Variants in DPH6 observed in about 807,000 individuals in gnomAD.
DPH6 encodes the protein diphthamine biosynthesis 6, also known as diphthine--ammonia ligase.
A neutral mutation model predicts 38.2 loss-of-function variants in DPH6; 33 were observed. That is an observed-to-expected ratio of 0.86 (90% confidence interval 0.65 to 1.15). The LOEUF (loss-of-function observed/expected upper bound fraction) is 1.15, where lower values mean the gene tolerates loss of function less well. Among genes scored for constraint, DPH6 ranks in the 50% most tolerant of loss-of-function variants. DPH6 has a pLI of 0.00. For missense variants in DPH6, 325 were observed against 320.0 expected, an observed-to-expected ratio of 1.02 and a Z score of -0.12; for synonymous variants, 108 against 103.0, an observed-to-expected ratio of 1.05 and a Z score of -0.30.
chr15:35,456,444 C>G (rs2053997657), intron 3 of DPH6, among the ~76,000 whole-genome samples: 1 of 139,286 alleles, frequency 7.2e-6, no homozygotes, highest in Admixed American at 8.0e-5. Context: ...TCTTCCTTAA[C>G]TAAGTCAAAT....
chr15:35,542,547 T>C, intron 1 of DPH6, 40 bp from the exon 2 acceptor site: 1 of 1,491,840 alleles, frequency 6.7e-7, no homozygotes, highest in Non-Finnish European at 9.2e-7. Flanking sequence ...ATCATGCTAC[T>C]GACCATTATT....
intron 3 of DPH6, among the ~76,000 whole-genome samples, chr15:35,528,725 C>G (rs1049110547): frequency 6.6e-6 from 1 of 152,192 alleles, no homozygotes; most frequent in East Asian, 1.9e-4. Context: ...CTAGCATACG[C>G]ATATGTGCCT....
At chr15:35,326,699 G>A (rs1429762159), downstream of DPH6, among the ~76,000 whole-genome samples, 2 of 152,118 alleles carry the variant, frequency 1.3e-5, no homozygotes, top group African/African-American at 4.8e-5. Flanking sequence ...GCTGCCCAAA[G>A]TTCTGTGATT....
chr15:35,388,726 C>T (rs959840210), intron 6 of DPH6, among the ~76,000 whole-genome samples: 3 of 152,040 alleles, frequency 2.0e-5, no homozygotes, highest in African/African-American at 7.2e-5. Context: ...TTTGATTCTT[C>T]TCTCTTTTCT....
intron 3 of DPH6, among the ~76,000 whole-genome samples, chr15:35,536,228 A>T (rs144975262): frequency 1.3e-5 from 2 of 152,146 alleles, no homozygotes; most frequent in East Asian, 3.9e-4. Flanking sequence ...CCAGTGTTTC[A>T]TAAATGAATT....
chr15:35,465,301 C>G lies in DPH6; in HGVS notation c.313-10481G>C, dbSNP rs149496094. Among the ~76,000 whole-genome samples, 16 of 152,306 alleles carry G rather than the reference C, an allele frequency of 1.1e-4. 1 individual carries two copies. Among genetic ancestry groups the G allele is most frequent in the African/African-American group, 2.9e-4 (12 of 41,576 alleles). On this transcript the variant is annotated intron_variant, in intron 3 of 8. Coordinates refer to ENST00000256538, the MANE Select transcript of DPH6 (RefSeq NM_080650.4). The stretch of plus-strand genomic sequence containing the variant: ...GTTTTTCATCTGAAAGGCATTCTAA[C>G]ATTTTTAATACGAACCATTCATTAA...
chr15:35,386,286 T>C (rs980482070), intron 6 of DPH6, among the ~76,000 whole-genome samples: 1 of 152,240 alleles, frequency 6.6e-6, no homozygotes, highest in Non-Finnish European at 1.5e-5. Context: ...TTTGCTATTG[T>C]GAATAGTGCT....
At chr15:35,357,048 G>A (rs568215118) in intron 3 of DPH6, among the ~76,000 whole-genome samples, 2 of 152,314 alleles carry the variant, frequency 1.3e-5, no homozygotes, top group South Asian at 4.1e-4. Context: ...TGCTAGCAAT[G>A]AGCGAGGCTC....
intron 3 of DPH6, among the ~76,000 whole-genome samples, chr15:35,463,791 T>C (rs953481394): frequency 1.3e-5 from 2 of 152,282 alleles, no homozygotes; most frequent in Non-Finnish European, 2.9e-5. Flanking sequence ...CCTATGGATA[T>C]ATATATATAC....
intron 3 of DPH6, among the ~76,000 whole-genome samples, chr15:35,341,816 T>C (rs138835285): frequency 1.3e-5 from 2 of 152,278 alleles, no homozygotes; most frequent in East Asian, 3.9e-4. Context: ...GAGATCCCTT[T>C]TGGGAGGTCT....
intron 6 of DPH6, chr15:35,396,406 T>C (rs150925789): frequency 4.8e-4 from 73 of 152,296 alleles, no homozygotes; most frequent in African/African-American, 1.5e-3. Context: ...GCAGGCCCAT[T>C]TGCCCTTCAA....
At chr15:35,285,506 C>A (rs2051934987) in intron 3 of DPH6, among the ~76,000 whole-genome samples, 1 of 152,164 alleles carries the variant, frequency 6.6e-6, no homozygotes. Context: ...CTCCTCCCTG[C>A]CTTCCGCCAT....
intron 6 of DPH6, among the ~76,000 whole-genome samples, chr15:35,406,298 A>G (rs943535007): frequency 1.2e-4 from 18 of 152,052 alleles, no homozygotes; most frequent in African/African-American, 4.1e-4. Context: ...AAGCATAGGG[A>G]GTATTCCATT....
chr15:35,506,413 G>T (rs1355860437), intron 3 of DPH6, among the ~76,000 whole-genome samples: 1 of 152,088 alleles, frequency 6.6e-6, no homozygotes, highest in Non-Finnish European at 1.5e-5. Flanking sequence ...TGTAATTTAA[G>T]TCAACTGTAA....
chr15:35,174,463 AATCAGT>A, the DPH6 span, among the ~76,000 whole-genome samples: 1 of 152,184 alleles, frequency 6.6e-6, no homozygotes, highest in Admixed American at 6.5e-5. Flanking sequence ...ATAATAGAAA[AATCAGT>A]ATCAGTGATG....
chr15:35,522,468 G>C (rs2054936415), intron 3 of DPH6, among the ~76,000 whole-genome samples: 1 of 151,966 alleles, frequency 6.6e-6, no homozygotes, highest in African/African-American at 2.4e-5. Flanking sequence ...TTCTTGTTTA[G>C]AAAACAACAG....
At chr15:35,431,977 A>G (rs560356807) in intron 5 of DPH6, among the ~76,000 whole-genome samples, 13 of 152,282 alleles carry the variant, frequency 8.5e-5, no homozygotes, top group Non-Finnish European at 1.6e-4. Flanking sequence ...AACTTTTGAC[A>G]AATACCAATC....
the DPH6 span, among the ~76,000 whole-genome samples, chr15:35,192,303 T>C: frequency 2.0e-5 from 3 of 152,178 alleles, no homozygotes; most frequent in Non-Finnish European, 4.4e-5. Flanking sequence ...CCTAGTGCTG[T>C]TATGAAAACG....
At chr15:35,420,647 C>T (rs2053493542) in intron 5 of DPH6, among the ~76,000 whole-genome samples, 1 of 152,106 alleles carries the variant, frequency 6.6e-6, no homozygotes, top group South Asian at 2.1e-4. Context: ...TCCTGAGTAG[C>T]CAGGACTACA....
Sources: gnomAD v4.1 joint callset for allele counts (sites outside exome capture counted in the v4.1 genomes callset) on GRCh38, gnomAD v4.1.1 for gene constraint, MANE v1.5 for transcripts, NCBI Gene and HGNC (gene_info 2026-07-23, HGNC 2026-07-21) for gene names.